CEP350: variants seen among roughly 807,000 people sequenced by gnomAD.
The protein encoded by CEP350 is centrosomal protein 350.
Under a neutral mutation model 331.8 loss-of-function variants are expected in CEP350, and 126 were observed. The observed-to-expected ratio is 0.38, with a 90% CI of 0.33 to 0.44. The LOEUF is 0.44. Among genes scored for constraint, CEP350 ranks in the 20% least tolerant of loss-of-function variants. The probability of loss-of-function intolerance (pLI) is 1.00; values close to 1 mark genes in which losing one functional copy is unlikely to be tolerated. For missense variants in CEP350, 3,406 were observed against 3,634.6 expected (o/e 0.94, Z 1.62); for synonymous variants, 1,200 against 1,259.5 (o/e 0.95, Z 1.00).
chr1:180,005,169 AATGTCTTT>A (rs1654174928), intron 7 of CEP350, among the ~76,000 whole-genome samples: 1 of 151,566 alleles, frequency 6.6e-6, no homozygotes, highest in Non-Finnish European at 1.5e-5. Flanking sequence ...TTCCCAAAGT[AATGTCTTT>A]AGCCCACACT....
At position 180,006,483 on chromosome 1, in the gene CEP350, GA is replaced by G; in HGVS notation, c.1168del (p.Ser390ValfsTer6). The G allele has an allele frequency of 1.3e-6, 2 of 1,543,560 alleles. No individual in the cohort carries two copies. Among genetic ancestry groups the G allele is most frequent in the Non-Finnish European group, 1.8e-6 (2 of 1,138,952 alleles). On this transcript the variant is annotated frameshift_variant, in exon 8 of 38. Transcript: ENST00000367607. LOFTEE classifies it high-confidence loss of function. ...TATTTCTATAAAGGAGAAACCTGCT[GA>G]AAAAAGTAAAGAGAAGAAAGTAGTC... ...DDISIKEKPA[E>X]KSKEKKVVKP...
In CEP350 at chr1:180,074,975, G is replaced by T. The variant is rs369113781; in HGVS notation, c.5568-47G>T. On this transcript the variant is annotated intron_variant, in intron 27 of 37. Coordinates refer to ENST00000367607, the MANE Select transcript of CEP350 (RefSeq NM_014810.5). ...TGATAGAGCTCTCAAAGTGATCTCT[G>T]CATATAGGTTTTTTCTCTCAAACTG... 4.0e-6 allele frequency: 6 copies of T among 1,514,890 alleles called. No homozygotes were observed. The African/African-American group carries it at 5.6e-5, about 14-fold the overall frequency. 93.8% of individuals were successfully genotyped at this position (1,514,890 alleles called of 1,614,324 possible).
At position 180,076,324 on chromosome 1, in the gene CEP350, C is replaced by A. The variant is rs780795555; in HGVS notation, c.5767+1103C>A. Among the ~76,000 whole-genome samples the A allele has an allele frequency of 3.2e-4, 48 of 152,164 alleles. 1 individual carries two copies. The highest frequency in any genetic ancestry group is 6.3e-4 in the Non-Finnish European group (43 of 68,026). The stretch of plus-strand genomic sequence containing the variant: ...ATCAGAAAAGGAAAGGCCAATCTTA[C>A]CTATCCTGAATTATGTATTAGCACA... On this transcript the variant is annotated intron_variant, in intron 28 of 37. Coordinates refer to ENST00000367607, the MANE Select transcript of CEP350 (RefSeq NM_014810.5).
intron 5 of CEP350, among the ~76,000 whole-genome samples, chr1:179,994,356 T>C (rs564253348): frequency 1.3e-5 from 2 of 152,290 alleles, no homozygotes; most frequent in Admixed American, 6.5e-5. Flanking sequence ...CTTGTTAATA[T>C]AGTGAAAATA....
Position 180,094,176 on chromosome 1 carries a change from T to C in CEP350, c.8071T>C (p.Ser2691Pro), listed in dbSNP as rs773874932. Residue 2691 changes from serine (S) to proline (P), a missense_variant, in exon 34 of 38, where the codon TCC (serine) becomes CCC (proline). This residue lies in a region of CEP350 where 1,415 missense variants were observed against 1,512.3 expected (regional missense o/e 0.94). Coordinates refer to ENST00000367607, the MANE Select transcript of CEP350 (RefSeq NM_014810.5). ...AGATGACACTTTAGACAATACCTTT[T>C]CCGAAGAATTGGAGAAGCAACAGCA... ...AEDDTLDNTF[S>P]EELEKQQQFT... is the part of the protein sequence containing the mutation. The C allele has an allele frequency of 6.2e-7, 1 of 1,613,464 alleles. No individual in the cohort carries two copies. The highest frequency in any genetic ancestry group is 8.5e-7 in the Non-Finnish European group (1 of 1,179,634).
chr1:180,018,912 G>A (rs957975047), intron 11 of CEP350, among the ~76,000 whole-genome samples: 1 of 147,006 alleles, frequency 6.8e-6, no homozygotes, highest in South Asian at 2.1e-4. Flanking sequence ...CTGGAGTGCA[G>A]TGGCACGATC....
Position 180,019,843 on chromosome 1 carries a change from CTTTTT to C in CEP350, c.2175-103_2175-99del, listed in dbSNP as rs1024384761. 8 of 890,104 alleles carry C rather than the reference CTTTTT, an allele frequency of 9.0e-6. No individual in the cohort carries two copies. In the African/African-American group the frequency reaches 1.4e-4, roughly 15 times the overall value. 55.1% of individuals were successfully genotyped at this position (890,104 alleles called of 1,614,324 possible). A position where few individuals can be genotyped will look rare whatever the true frequency, so the allele number is the denominator to read the frequency against. On this transcript the variant is annotated intron_variant, in intron 11 of 37. Transcript: ENST00000367607. The stretch of plus-strand genomic sequence containing the variant: ...ATCTTTTTTATATTTTTTATCTGTC[CTTTTT>C]TTGTTGCAGTGCATCCTCATTACTC...
chr1:180,019,009 C>G (rs750870610), intron 11 of CEP350, among the ~76,000 whole-genome samples: 4 of 152,170 alleles, frequency 2.6e-5, no homozygotes, highest in Non-Finnish European at 5.9e-5. Flanking sequence ...GCACATGCCA[C>G]CATGCCCACC....
chr1:179,965,574 T>A (rs1650941489), intron 1 of CEP350, among the ~76,000 whole-genome samples: 1 of 151,838 alleles, frequency 6.6e-6, no homozygotes, highest in Admixed American at 6.6e-5. Flanking sequence ...GCCAGAAAGG[T>A]TTATTTTAAT....
At chr1:180,051,410 A>G (rs574619451) in intron 22 of CEP350, among the ~76,000 whole-genome samples, 3 of 152,318 alleles carry the variant, frequency 2.0e-5, no homozygotes, top group East Asian at 3.9e-4. Flanking sequence ...CCACAACTAA[A>G]GAGTTGGAAA....
intron 36 of CEP350, among the ~76,000 whole-genome samples, chr1:180,096,537 A>G (rs1183650742): frequency 6.6e-6 from 1 of 152,146 alleles, no homozygotes; most frequent in Non-Finnish European, 1.5e-5. Context: ...TGGGGGCTTT[A>G]GAGATAGGTA....
chr1:180,016,231 AAC>A (rs1449647051), intron 11 of CEP350, among the ~76,000 whole-genome samples: 1 of 152,244 alleles, frequency 6.6e-6, no homozygotes, highest in Non-Finnish European at 1.5e-5. Flanking sequence ...CTGTGAACTA[AAC>A]ACACAATAAA....
intron 4 of CEP350, among the ~76,000 whole-genome samples, chr1:179,991,151 T>C (rs961503220): frequency 5.9e-5 from 9 of 151,946 alleles, no homozygotes; most frequent in African/African-American, 1.7e-4. Context: ...TTCACAGATA[T>C]ATAGCACTTT....
intron 10 of CEP350, among the ~76,000 whole-genome samples, chr1:180,015,144 G>A (rs1654889242): frequency 1.3e-5 from 2 of 152,054 alleles, no homozygotes; most frequent in South Asian, 2.1e-4. Context: ...TCTCAAGGGT[G>A]GCAGAGGCAA....
At chr1:180,006,615 G>A (rs1654274002) in intron 8 of CEP350, 48 bp downstream of exon 8, 1 of 929,952 alleles carries the variant, frequency 1.1e-6, no homozygotes, top group African/African-American at 1.7e-5. Flanking sequence ...TTTAATTAAT[G>A]TTTTCATTAT....
In CEP350 at chr1:180,053,088, C is replaced by T; in HGVS notation, c.4911C>T (p.Asn1637=). The change falls in exon 23 of 38, where the codon AAC becomes AAT. Residue 1637 remains asparagine (N), a synonymous_variant. Coordinates refer to ENST00000367607, the MANE Select transcript of CEP350 (RefSeq NM_014810.5). The part of the protein sequence containing the change: ...LLPSESHRRF[N]MEKRRGHHDD... The stretch of plus-strand genomic sequence containing the variant: ...CTTCAGAGAGTCACCGCAGATTTAA[C>T]ATGGAAAAGAGAAGAGGTCATCATG... 1 of 1,607,864 alleles carries T rather than the reference C, an allele frequency of 6.2e-7. No homozygotes were observed. The highest frequency in any genetic ancestry group is 2.2e-5 in the East Asian group (1 of 44,586).
chr1:179,998,568 A>G (rs1352894060), intron 6 of CEP350, among the ~76,000 whole-genome samples: 1 of 151,700 alleles, frequency 6.6e-6, no homozygotes, highest in Non-Finnish European at 1.5e-5. Context: ...AGCCTCCCAA[A>G]GTGCTGGGAT....
At chr1:179,993,316 C>T (rs897576764) in intron 5 of CEP350, among the ~76,000 whole-genome samples, 5 of 151,874 alleles carry the variant, frequency 3.3e-5, no homozygotes, top group African/African-American at 9.7e-5. Flanking sequence ...AAGCAGCTTG[C>T]CTAGAGACAT....
chr1:180,074,023 T>G, intron 27 of CEP350: 6 of 876,580 alleles, frequency 6.8e-6, no homozygotes, highest in South Asian at 1.7e-5. Context: ...GGAGGCCTCT[T>G]ATCAAATGTC....
Sources: allele counts gnomAD v4.1 joint callset (sites outside exome capture counted in the v4.1 genomes callset), GRCh38; gene constraint gnomAD v4.1.1; regional missense constraint gnomAD v4.1.1; transcripts MANE v1.5; gene names NCBI Gene and HGNC (gene_info 2026-07-23, HGNC 2026-07-21).